PCDHGB6: variants seen among roughly 807,000 people sequenced by gnomAD.
The protein encoded by PCDHGB6 is protocadherin gamma subfamily B, 6.
PCDHGB6 carries 51 observed loss-of-function variants against 59.1 expected under a neutral mutation model. That is an observed-to-expected ratio of 0.86 (90% CI 0.69 to 1.09). The LOEUF (loss-of-function observed/expected upper bound fraction) is 1.09. PCDHGB6 is among the 50% of genes least tolerant of loss of function. The pLI is 0.00. For synonymous variants in PCDHGB6, 466 were observed against 495.1 expected (o/e 0.94, Z 0.78); for missense variants, 1,148 against 1,205.1 (o/e 0.95, Z 0.70).
intron 2 of PCDHGB6, among the ~76,000 whole-genome samples, chr5:141,500,900 C>T (rs1309164700): frequency 4.0e-5 from 6 of 150,642 alleles, no homozygotes; most frequent in South Asian, 2.1e-4. Flanking sequence ...GAGACAGTCT[C>T]GCTCTGTCTC....
In PCDHGB6 at chr5:141,431,149, G is replaced by A. The variant is rs150692324; in HGVS notation, c.2418+20529G>A. Reference sequence around the variant, plus strand: ...AAGTAAGGGACATTAACGACAATGCGCCTTACTTTCGTGAAAGTGAATTAG... The same window carrying A: ...AAGTAAGGGACATTAACGACAATGCACCTTACTTTCGTGAAAGTGAATTAG... On this transcript the variant is annotated intron_variant, in intron 1 of 3. Coordinates refer to ENST00000520790, the MANE Select transcript of PCDHGB6 (RefSeq NM_018926.3). This position sits in a 1 kb window ranked among gnomAD's most constrained non-coding sequence, Gnocchi z 4.8. The A allele has an allele frequency of 3.7e-4, 605 of 1,614,210 alleles. No individual in the cohort carries two copies. Among genetic ancestry groups the A allele is most frequent in the Non-Finnish European group, 4.7e-4 (552 of 1,180,020 alleles).
intron 1 of PCDHGB6, among the ~76,000 whole-genome samples, chr5:141,461,978 C>T (rs888687367): frequency 2.6e-5 from 4 of 152,216 alleles, no homozygotes; most frequent in African/African-American, 9.6e-5. Flanking sequence ...CATATGCCAC[C>T]ACGCCAGGCT....
chr5:141,430,951 C>A, intron 1 of PCDHGB6: 3 of 1,610,496 alleles, frequency 1.9e-6, no homozygotes, highest in Non-Finnish European at 2.5e-6. Flanking sequence ...AGCGCGGAGT[C>A]CGCATCATCC....
At position 141,476,395 on chromosome 5, in the gene PCDHGB6, T is replaced by C. The variant is rs545562470; in HGVS notation, c.2419-18412T>C. 4 of 1,614,020 alleles carry C rather than the reference T, an allele frequency of 2.5e-6. 1 individual carries two copies. In the South Asian group the frequency reaches 4.4e-5, roughly 18 times the overall value. On this transcript the variant is annotated intron_variant, in intron 1 of 3. Transcript: ENST00000520790. This position sits in a 1 kb window ranked among gnomAD's most constrained non-coding sequence, Gnocchi z 7.6. ...AGATGTTTGTGAACGACCGTCTGGATCGAGAGGAGCTGTGTGGGACACTGC... is the reference window on the plus strand; with the variant it reads ...AGATGTTTGTGAACGACCGTCTGGACCGAGAGGAGCTGTGTGGGACACTGC...
intron 1 of PCDHGB6, chr5:141,426,995 C>A (rs772977735): frequency 2.2e-6 from 1 of 456,694 alleles, no homozygotes; most frequent in South Asian, 1.5e-5. Context: ...ACGATAATGC[C>A]CCAGTTTTTA....
At chr5:141,425,802 C>T (rs966768224) in intron 1 of PCDHGB6, among the ~76,000 whole-genome samples, 6 of 152,160 alleles carry the variant, frequency 3.9e-5, no homozygotes, top group African/African-American at 1.4e-4. Context: ...ATGTGCATTG[C>T]TTCTGCTTAG....
chr5:141,495,412 G>A lies in PCDHGB6; in HGVS notation c.2477+547G>A, dbSNP rs188302135. 2.2e-4 allele frequency among the ~76,000 whole-genome samples: 33 copies of A among 152,284 alleles called. No homozygotes were observed. The East Asian group carries it at 6.4e-3, about 29-fold the overall frequency. ...GGCATGGAGCAGGCCCCCTTCTCCG[G>A]CCCCTCCTCCCACTGTCCTCTGCCC... On this transcript the variant is annotated intron_variant, in intron 2 of 3. Coordinates refer to ENST00000520790, the MANE Select transcript of PCDHGB6 (RefSeq NM_018926.3).
intron 1 of PCDHGB6, among the ~76,000 whole-genome samples, chr5:141,443,765 A>G (rs577762947): frequency 6.6e-6 from 1 of 152,340 alleles, no homozygotes; most frequent in East Asian, 1.9e-4. Context: ...TACAATATAC[A>G]ATATTACCAA....
chr5:141,486,452 G>T lies in PCDHGB6; in HGVS notation c.2419-8355G>T. 6.2e-7 allele frequency: 1 copy of T among 1,614,152 alleles called. No homozygotes were observed. Among genetic ancestry groups the T allele is most frequent in the Non-Finnish European group, 8.5e-7 (1 of 1,179,996 alleles). Reference sequence around the variant, plus strand: ...ATCTAGCTATGACATCATGGTCACTGCTTCTGATGCTGGGAACCCTCCTCT... The same window carrying T: ...ATCTAGCTATGACATCATGGTCACTTCTTCTGATGCTGGGAACCCTCCTCT... On this transcript the variant is annotated intron_variant, in intron 1 of 3. Coordinates refer to ENST00000520790, the MANE Select transcript of PCDHGB6 (RefSeq NM_018926.3). This position sits in a 1 kb window ranked among gnomAD's most constrained non-coding sequence, Gnocchi z 5.0.
rs776349562 is a variant in PCDHGB6 at position 141,491,131 on chromosome 5, G to T, written c.2419-3676G>T. The T allele has an allele frequency of 6.2e-7, 1 of 1,614,182 alleles. No individual in the cohort carries two copies. Among genetic ancestry groups the T allele is most frequent in the Non-Finnish European group, 8.5e-7 (1 of 1,180,008 alleles). On this transcript the variant is annotated intron_variant, in intron 1 of 3. Coordinates refer to ENST00000520790, the MANE Select transcript of PCDHGB6 (RefSeq NM_018926.3). This position sits in a 1 kb window ranked among gnomAD's most constrained non-coding sequence, Gnocchi z 6.9. ...TACACACACTGGTGAGGTGCGCACA[G>T]CCCGGGCCTTACTGGAGGATGACTC...
At position 141,486,791 on chromosome 5, in the gene PCDHGB6, C is replaced by T. The variant is rs766519569; in HGVS notation, c.2419-8016C>T. 1.8e-5 allele frequency: 29 copies of T among 1,614,108 alleles called. No homozygotes were observed. The highest frequency in any genetic ancestry group is 2.2e-5 in the Non-Finnish European group (26 of 1,180,054). On this transcript the variant is annotated intron_variant, in intron 1 of 3. Coordinates refer to ENST00000520790, the MANE Select transcript of PCDHGB6 (RefSeq NM_018926.3). The surrounding 1 kb of genome is among the most constrained non-coding windows in gnomAD (Gnocchi z 5.0). ...GCAGTTTGAGGTGCAGGCCCGGGAT[C>T]GGGGCAACCCACCCCTTAGCAGCAC...
At chr5:141,457,802 T>C (rs1332412750) in intron 1 of PCDHGB6, among the ~76,000 whole-genome samples, 1 of 152,210 alleles carries the variant, frequency 6.6e-6, no homozygotes, top group Non-Finnish European at 1.5e-5. Context: ...TCCTCTCCTC[T>C]TGAGGTCCCA....
At position 141,491,692 on chromosome 5, in the gene PCDHGB6, C is replaced by A. The variant is rs749349869; in HGVS notation, c.2419-3115C>A. The A allele has an allele frequency of 6.2e-7, 1 of 1,612,592 alleles. No homozygotes were observed. Among genetic ancestry groups the A allele is most frequent in the Non-Finnish European group, 8.5e-7 (1 of 1,179,338 alleles). On this transcript the variant is annotated intron_variant, in intron 1 of 3. Coordinates refer to ENST00000520790, the MANE Select transcript of PCDHGB6 (RefSeq NM_018926.3). This position sits in a 1 kb window ranked among gnomAD's most constrained non-coding sequence, Gnocchi z 6.9. ...GTCCCGCTCTAATACGCTGCGGGAG[C>A]GGAGCCAGGTGAGGGGCTCGGCGCC...
intron 1 of PCDHGB6, among the ~76,000 whole-genome samples, chr5:141,455,489 A>T (rs925133619): frequency 3.9e-5 from 6 of 152,152 alleles, no homozygotes; most frequent in African/African-American, 4.8e-5. Context: ...GGTGGAGGTG[A>T]TGTCTGATTT....
intron 1 of PCDHGB6, among the ~76,000 whole-genome samples, chr5:141,462,218 C>T (rs2099034952): frequency 6.6e-6 from 1 of 152,180 alleles, no homozygotes; most frequent in African/African-American, 2.4e-5. Context: ...CCTCGGCCTC[C>T]CAAAGTGCAG....
rs1177043977 is a variant in PCDHGB6, at chr5:141,491,919, C to G, written c.2419-2888C>G. On this transcript the variant is annotated intron_variant, in intron 1 of 3. Coordinates refer to ENST00000520790, the MANE Select transcript of PCDHGB6 (RefSeq NM_018926.3). The surrounding 1 kb of genome is among the most constrained non-coding windows in gnomAD (Gnocchi z 6.9). ...CACCGGGGGTGGTGGCGACTGTGGG[C>G]GAGGGGAGGTGGGACCGACCCCCAC... 5 of 1,361,900 alleles carry G rather than the reference C, an allele frequency of 3.7e-6. No homozygotes were observed. The South Asian group carries it at 7.8e-5, about 21-fold the overall frequency. The allele number at this position is 1,361,900 out of a possible 1,614,324, so 84.4% of individuals were successfully genotyped here. A position where few individuals can be genotyped will look rare whatever the true frequency, so the allele number is the denominator to read the frequency against.
At position 141,486,891 on chromosome 5, in the gene PCDHGB6, G is replaced by A. The variant is rs201201426; in HGVS notation, c.2419-7916G>A. 38 of 1,614,118 alleles carry A rather than the reference G, an allele frequency of 2.4e-5. No individual in the cohort carries two copies. The highest frequency in any genetic ancestry group is 3.1e-5 in the Non-Finnish European group (37 of 1,180,064). Reference sequence around the variant, plus strand: ...GTGCTCCGTCCTCGGGCCCGGCCTGGTTCCTTATGTCCCCAAGCACTGCCT... The same window carrying A: ...GTGCTCCGTCCTCGGGCCCGGCCTGATTCCTTATGTCCCCAAGCACTGCCT... On this transcript the variant is annotated intron_variant, in intron 1 of 3. Coordinates refer to ENST00000520790, the MANE Select transcript of PCDHGB6 (RefSeq NM_018926.3). This position sits in a 1 kb window ranked among gnomAD's most constrained non-coding sequence, Gnocchi z 5.0.
chr5:141,488,222 G>A (rs1351438124), intron 1 of PCDHGB6, among the ~76,000 whole-genome samples: 1 of 152,104 alleles, frequency 6.6e-6, no homozygotes, highest in Admixed American at 6.5e-5. Flanking sequence ...TCCCTACTGG[G>A]GATTTGAACT....
At chr5:141,423,772 A>G (rs767998260) in intron 1 of PCDHGB6, 39 of 1,219,850 alleles carry the variant, frequency 3.2e-5, no homozygotes, top group East Asian at 1.6e-4. Context: ...GGGGCGGCAT[A>G]TATTTAGTTC....
Sources: allele counts gnomAD v4.1 joint callset (sites outside exome capture counted in the v4.1 genomes callset), GRCh38; gene constraint gnomAD v4.1.1; non-coding constraint Gnocchi (gnomAD v3.1); transcripts MANE v1.5; gene names NCBI Gene and HGNC (gene_info 2026-07-23, HGNC 2026-07-21).